PLPPR1: variants seen among roughly 807,000 people sequenced by gnomAD.
The protein encoded by PLPPR1 is phospholipid phosphatase related 1.
A neutral mutation model predicts 33.1 loss-of-function variants in PLPPR1; 10 were observed. The observed-to-expected ratio is 0.30, with a 90% CI of 0.19 to 0.51. PLPPR1 has a LOEUF of 0.51. PLPPR1 is among the 20% of genes least tolerant of loss of function. The pLI is 0.97. For synonymous variants in PLPPR1, 151 were observed against 151.0 expected, an observed-to-expected ratio of 1.00 and a Z score of 0.00; for missense variants, 304 against 408.1, an observed-to-expected ratio of 0.74 and a Z score of 2.20.
intron 3 of PLPPR1, among the ~76,000 whole-genome samples, chr9:101,277,794 G>GT (rs1216236255): frequency 6.6e-6 from 1 of 152,114 alleles, no homozygotes. Flanking sequence ...TCTTTCTCCT[G>GT]TTTCAACACA....
chr9:101,223,830 G>A (rs564863949), intron 2 of PLPPR1, among the ~76,000 whole-genome samples: 2 of 152,158 alleles, frequency 1.3e-5, no homozygotes, highest in South Asian at 4.1e-4. Flanking sequence ...GTAGCTGCAT[G>A]AGAACAAACC....
intron 2 of PLPPR1, among the ~76,000 whole-genome samples, chr9:101,209,190 T>C (rs1826640823): frequency 6.6e-6 from 1 of 152,182 alleles, no homozygotes; most frequent in African/African-American, 2.4e-5. Flanking sequence ...CTCCAGGTGA[T>C]TGTAACAAGC....
chr9:101,075,645 A>G (rs1024986394), intron 1 of PLPPR1, among the ~76,000 whole-genome samples: 1 of 152,218 alleles, frequency 6.6e-6, no homozygotes, highest in African/African-American at 2.4e-5. Flanking sequence ...TTATTCAAAA[A>G]TTATTTATCA....
Position 101,324,988 on chromosome 9 carries a change from G to T in PLPPR1, c.*931G>T, listed in dbSNP as rs1347304013. 6.6e-6 allele frequency: 1 copy of T among 152,554 alleles called. No homozygotes were observed. The highest frequency in any genetic ancestry group is 2.4e-5 in the African/African-American group (1 of 41,424). The allele number at this position is 152,554 out of a possible 1,614,324, so 9.5% of individuals were successfully genotyped here. A position where few individuals can be genotyped will look rare whatever the true frequency, so the allele number is the denominator to read the frequency against. On this transcript the variant is annotated 3_prime_UTR_variant, in exon 8 of 8. Transcript: ENST00000374874. ...GCATCTCATTTTTCTAGCATGGTGA[G>T]AACTAATATGTAACTCCTTTGATTG...
At chr9:101,306,469 T>G (rs1183934558) in intron 4 of PLPPR1, among the ~76,000 whole-genome samples, 1 of 152,162 alleles carries the variant, frequency 6.6e-6, no homozygotes, top group African/African-American at 2.4e-5. Context: ...GCCCTCCAGG[T>G]TGTAGCTCTT....
rs1383603024 is a variant in PLPPR1, at chr9:101,125,540, G to A, written c.-45-59910G>A. On this transcript the variant is annotated intron_variant, in intron 1 of 7. Transcript: ENST00000374874. Reference sequence around the variant, plus strand: ...CCCTGGACCCAGCACCAGATTGAAGGGAATAGGAAGTGCTGTCTCCTGCCT... The same window carrying A: ...CCCTGGACCCAGCACCAGATTGAAGAGAATAGGAAGTGCTGTCTCCTGCCT... 4 of 429,418 alleles carry A rather than the reference G, an allele frequency of 9.3e-6. No homozygotes were observed. The East Asian group carries it at 2.3e-4, about 24-fold the overall frequency. The allele number at this position is 429,418 out of a possible 1,614,324, so 26.6% of individuals were successfully genotyped here. A position where few individuals can be genotyped will look rare whatever the true frequency, so the allele number is the denominator to read the frequency against.
chr9:101,107,968 G>T lies in PLPPR1; in HGVS notation c.-45-77482G>T, dbSNP rs554991288. On this transcript the variant is annotated intron_variant, in intron 1 of 7. Transcript: ENST00000374874. ...CGGAAAGGGAACTCCCTGACCCCTT[G>T]CGCTTCCCAGGTGAGGCAATGCCTC... is the stretch of plus-strand genomic sequence containing the variant. Among the ~76,000 whole-genome samples the T allele has an allele frequency of 9.3e-5, 14 of 150,340 alleles. No individual in the cohort carries two copies. The South Asian group carries it at 2.7e-3, about 29-fold the overall frequency.
At chr9:101,281,773 A>G (rs1828308919) in intron 3 of PLPPR1, among the ~76,000 whole-genome samples, 1 of 152,174 alleles carries the variant, frequency 6.6e-6, no homozygotes, top group Non-Finnish European at 1.5e-5. Context: ...CTACAGAAAT[A>G]CAAAGGATCA....
chr9:101,253,634 A>G (rs1427825821), intron 2 of PLPPR1, among the ~76,000 whole-genome samples: 14 of 152,144 alleles, frequency 9.2e-5, no homozygotes, highest in Non-Finnish European at 1.6e-4. Flanking sequence ...TATTACAACC[A>G]TAAATTGAGA....
intron 1 of PLPPR1, among the ~76,000 whole-genome samples, chr9:101,174,426 A>G (rs1347158966): frequency 3.9e-5 from 6 of 152,204 alleles, no homozygotes; most frequent in Non-Finnish European, 7.3e-5. Context: ...ACAAATGACC[A>G]TGGTCTGTGA....
chr9:101,275,499 G>A (rs1218577355), intron 3 of PLPPR1, among the ~76,000 whole-genome samples: 1 of 152,188 alleles, frequency 6.6e-6, no homozygotes. Flanking sequence ...TTAGAGCATG[G>A]GGGATTTACT....
chr9:101,037,106 TG>T (rs1403409075), intron 1 of PLPPR1, among the ~76,000 whole-genome samples: 3 of 152,156 alleles, frequency 2.0e-5, no homozygotes, highest in Non-Finnish European at 4.4e-5. Flanking sequence ...CCATGTTAAC[TG>T]GATGGGAAGT....
At chr9:101,143,522 C>T (rs934581529) in intron 1 of PLPPR1, among the ~76,000 whole-genome samples, 1 of 152,104 alleles carries the variant, frequency 6.6e-6, no homozygotes, top group Admixed American at 6.6e-5. Flanking sequence ...TTTTTACAAT[C>T]TACCCATCTG....
intron 4 of PLPPR1, among the ~76,000 whole-genome samples, chr9:101,294,123 A>G (rs1475978481): frequency 6.6e-6 from 1 of 152,194 alleles, no homozygotes. Context: ...AGGGGATATC[A>G]CCACCGATCC....
At chr9:101,153,810 C>T (rs1285906903) in intron 1 of PLPPR1, among the ~76,000 whole-genome samples, 2 of 151,642 alleles carry the variant, frequency 1.3e-5, no homozygotes, top group African/African-American at 2.4e-5. Flanking sequence ...GTCTTGATCT[C>T]CTGACCTCGT....
intron 2 of PLPPR1, among the ~76,000 whole-genome samples, chr9:101,241,993 G>A (rs1827479665): frequency 6.6e-6 from 1 of 152,030 alleles, no homozygotes; most frequent in Admixed American, 6.6e-5. Context: ...CTGGCTGATT[G>A]GCTCTTGCTT....
chr9:101,262,559 G>A (rs1206228121), intron 2 of PLPPR1, among the ~76,000 whole-genome samples: 2 of 152,182 alleles, frequency 1.3e-5, no homozygotes, highest in Non-Finnish European at 2.9e-5. Context: ...GTTGGTGGGA[G>A]TATAAATTAG....
At chr9:101,170,381 T>C (rs1205092952) in intron 1 of PLPPR1, among the ~76,000 whole-genome samples, 1 of 152,110 alleles carries the variant, frequency 6.6e-6, no homozygotes, top group East Asian at 1.9e-4. Flanking sequence ...AGACACATCT[T>C]ACATGGCAGC....
intron 1 of PLPPR1, among the ~76,000 whole-genome samples, chr9:101,109,796 G>A (rs560732227): frequency 4.6e-5 from 7 of 151,918 alleles, no homozygotes; most frequent in African/African-American, 9.7e-5. Context: ...ATTTGAGTAC[G>A]ACCTTATATT....
Sources: allele counts gnomAD v4.1 joint callset (sites outside exome capture counted in the v4.1 genomes callset), GRCh38; gene constraint gnomAD v4.1.1; transcripts MANE v1.5; gene names NCBI Gene and HGNC (gene_info 2026-07-23, HGNC 2026-07-21).